The following CDH18 variants were observed in gnomAD, a reference collection of about 807,000 sequenced individuals.
The protein encoded by CDH18 is cadherin-18.
In CDH18, 31 loss-of-function variants were observed where a neutral mutation model predicts 67.9. The ratio of observed to expected loss-of-function variants is 0.46; its 90% CI spans 0.34 to 0.62. The LOEUF (loss-of-function observed/expected upper bound fraction) is 0.62, where lower values mean the gene tolerates loss of function less well. Among genes scored for constraint, CDH18 ranks in the 20% least tolerant of loss-of-function variants. The pLI is 0.01. For missense variants in CDH18, 890 were observed against 975.5 expected (o/e 0.91, Z 1.17); for synonymous variants, 362 against 347.2 (o/e 1.04, Z -0.48).
chr5:20,535,131 T>C (rs1487393228), intron 1 of CDH18, among the ~76,000 whole-genome samples: 2 of 152,162 alleles, frequency 1.3e-5, no homozygotes, highest in East Asian at 1.9e-4. Context: ...GTTATATTAC[T>C]CTATCTCTAC....
intron 12 of CDH18, among the ~76,000 whole-genome samples, chr5:19,482,236 C>A (rs1355290028): frequency 6.6e-6 from 1 of 152,048 alleles, no homozygotes; most frequent in East Asian, 1.9e-4. Context: ...CTGCCTCAGC[C>A]TCCCGAGTAG....
intron 1 of CDH18, among the ~76,000 whole-genome samples, chr5:20,311,695 A>G (rs1278083062): frequency 6.6e-6 from 1 of 152,118 alleles, no homozygotes; most frequent in East Asian, 1.9e-4. Flanking sequence ...CCTAATGTAG[A>G]TGATGAGTTG....
At chr5:19,831,554 A>G (rs1781035494) in intron 3 of CDH18, among the ~76,000 whole-genome samples, 1 of 152,106 alleles carries the variant, frequency 6.6e-6, no homozygotes, top group Non-Finnish European at 1.5e-5. Context: ...ACAATAAGAC[A>G]CCATCTCACA....
intron 1 of CDH18, among the ~76,000 whole-genome samples, chr5:20,369,783 G>A (rs1742828054): frequency 6.6e-6 from 1 of 152,132 alleles, no homozygotes; most frequent in Admixed American, 6.5e-5. Context: ...AAAATAATTT[G>A]TTGTTAGAAT....
chr5:19,473,130 C>A lies in CDH18; in HGVS notation c.*96G>T, dbSNP rs1021344873. The stretch of plus-strand genomic sequence containing the variant: ...GGAGCTGTGTCCAGCTTCCTCAGTT[C>A]CAAGTACTGTTTCCACACTTCTTCC... On this transcript the variant is annotated 3_prime_UTR_variant, in exon 13 of 13. Transcript: ENST00000382275. The A allele has an allele frequency of 6.8e-7, 1 of 1,474,896 alleles. No homozygotes were observed. Among genetic ancestry groups the A allele is most frequent in the Non-Finnish European group, 9.2e-7 (1 of 1,088,578 alleles). 91.4% of individuals were successfully genotyped at this position (1,474,896 alleles called of 1,614,324 possible).
intron 1 of CDH18, among the ~76,000 whole-genome samples, chr5:20,257,594 A>G (rs550142233): frequency 1.0e-3 from 152 of 152,122 alleles, no homozygotes; most frequent in Non-Finnish European, 1.7e-3. Context: ...ATATCTGACA[A>G]AAGAAAATTA....
At chr5:20,082,250 G>T (rs776390592) in intron 2 of CDH18, among the ~76,000 whole-genome samples, 1 of 152,032 alleles carries the variant, frequency 6.6e-6, no homozygotes. Flanking sequence ...TTTGAAGAAG[G>T]CATTAAAATA....
At chr5:20,228,656 C>T (rs1223908036) in intron 2 of CDH18, among the ~76,000 whole-genome samples, 1 of 152,018 alleles carries the variant, frequency 6.6e-6, no homozygotes, top group African/African-American at 2.4e-5. Context: ...CCATTCTAAT[C>T]TTGCCTTTTA....
intron 2 of CDH18, among the ~76,000 whole-genome samples, chr5:20,133,198 C>A (rs1749414439): frequency 6.6e-6 from 1 of 152,206 alleles, no homozygotes; most frequent in Non-Finnish European, 1.5e-5. Context: ...TCTCACACTG[C>A]TAATAAAGAC....
At chr5:19,947,232 T>C (rs541464281) in intron 2 of CDH18, among the ~76,000 whole-genome samples, 1 of 151,954 alleles carries the variant, frequency 6.6e-6, no homozygotes, top group South Asian at 2.1e-4. Context: ...ACATTCTAGC[T>C]AGGGAAATAA....
At chr5:19,753,677 T>C (rs1398488534) in intron 3 of CDH18, among the ~76,000 whole-genome samples, 1 of 151,960 alleles carries the variant, frequency 6.6e-6, no homozygotes, top group African/African-American at 2.4e-5. Context: ...TGCCAATGCA[T>C]AGGTCATCTA....
chr5:20,059,293 T>C (rs1742261974), intron 2 of CDH18, among the ~76,000 whole-genome samples: 3 of 152,152 alleles, frequency 2.0e-5, no homozygotes, highest in Admixed American at 1.3e-4. Context: ...CCTGGATTCA[T>C]GGATTTTTTG....
chr5:20,339,711 C>T (rs1740093080), intron 1 of CDH18, among the ~76,000 whole-genome samples: 1 of 152,144 alleles, frequency 6.6e-6, no homozygotes. Flanking sequence ...CATTAAGGTA[C>T]AGGTCCTCTT....
At chr5:19,888,873 G>C (rs564764070) in intron 2 of CDH18, among the ~76,000 whole-genome samples, 1 of 152,118 alleles carries the variant, frequency 6.6e-6, no homozygotes, top group African/African-American at 2.4e-5. Context: ...AAATATGTTT[G>C]TTTTCAATAC....
intron 2 of CDH18, among the ~76,000 whole-genome samples, chr5:20,147,721 A>C (rs1175186483): frequency 2.0e-5 from 3 of 152,128 alleles, no homozygotes; most frequent in East Asian, 1.9e-4. Context: ...TATTTTTAGA[A>C]CTTTCCTTTT....
chr5:20,057,440 ATACATCCTCTTT>A (rs1742093760), intron 2 of CDH18, among the ~76,000 whole-genome samples: 1 of 152,216 alleles, frequency 6.6e-6, no homozygotes, highest in Non-Finnish European at 1.5e-5. Flanking sequence ...TATGATAAAT[ATACATCCTCTTT>A]ATTAACTTAA....
At chr5:20,256,442 C>G (rs1451858553) in intron 1 of CDH18, among the ~76,000 whole-genome samples, 1 of 151,978 alleles carries the variant, frequency 6.6e-6, no homozygotes, top group Non-Finnish European at 1.5e-5. Context: ...CAAACAGATG[C>G]CTCAAATACT....
chr5:19,496,072 A>G (rs1021917311), intron 11 of CDH18, among the ~76,000 whole-genome samples: 1 of 152,182 alleles, frequency 6.6e-6, no homozygotes, highest in African/African-American at 2.4e-5. Context: ...CTAAACCTCT[A>G]AGCTGAAAAG....
intron 2 of CDH18, among the ~76,000 whole-genome samples, chr5:19,919,859 A>G (rs1792235547): frequency 6.6e-6 from 1 of 152,182 alleles, no homozygotes; most frequent in Admixed American, 6.5e-5. Flanking sequence ...TTTTTCATAT[A>G]CAAATAAAAA....
Sources: gnomAD v4.1 joint callset for allele counts (sites outside exome capture counted in the v4.1 genomes callset) on GRCh38, gnomAD v4.1.1 for gene constraint, MANE v1.5 for transcripts, NCBI Gene and HGNC (gene_info 2026-07-23, HGNC 2026-07-21) for gene names.